The following LINGO1 variants were observed in gnomAD, a reference collection of about 807,000 sequenced individuals.
LINGO1 encodes the protein leucine rich repeat and Ig domain containing 1.
LINGO1 carries 11 observed loss-of-function variants against 37.3 expected under a neutral mutation model. The ratio of observed to expected loss-of-function variants is 0.29; its 90% CI spans 0.19 to 0.49. The LOEUF is 0.49. Ranked by LOEUF, LINGO1 falls within the 20% of genes least tolerant of loss-of-function variation. The pLI is 0.99. For synonymous variants in LINGO1, 387 were observed against 403.0 expected, an observed-to-expected ratio of 0.96 and a Z score of 0.48; for missense variants, 585 against 878.2, an observed-to-expected ratio of 0.67 and a Z score of 4.22.
intron 2 of LINGO1, among the ~76,000 whole-genome samples, chr15:77,734,603 T>C (rs35722051): frequency 0.12 from 18,656 of 151,228 alleles, 1,499 homozygotes; most frequent in African/African-American, 0.22. Flanking sequence ...CCGCCCACCT[T>C]ACCTGGGTGG....
At chr15:77,738,241 C>A (rs930090645) in intron 1 of LINGO1, among the ~76,000 whole-genome samples, 2 of 152,118 alleles carry the variant, frequency 1.3e-5, no homozygotes, top group African/African-American at 4.8e-5. Context: ...CTTGCCTCCA[C>A]CTCTGGCCCC....
intron 1 of LINGO1, among the ~76,000 whole-genome samples, chr15:77,798,829 G>T (rs2076894129): frequency 6.6e-6 from 1 of 152,194 alleles, no homozygotes; most frequent in African/African-American, 2.4e-5. Flanking sequence ...ATGCCCCGGA[G>T]AATGTGAGAC....
chr15:77,804,038 A>T (rs530874460), intron 1 of LINGO1, among the ~76,000 whole-genome samples: 10 of 152,218 alleles, frequency 6.6e-5, no homozygotes, highest in African/African-American at 2.4e-4. Context: ...TAGGTAGCAC[A>T]ACAGGTGACA....
intron 2 of LINGO1, among the ~76,000 whole-genome samples, chr15:77,688,210 C>A (rs1358021801): frequency 6.6e-6 from 1 of 152,204 alleles, no homozygotes; most frequent in South Asian, 2.1e-4. Flanking sequence ...GGGCAGGAGG[C>A]GGCACCTGCC....
At chr15:77,797,391 C>T (rs8035933) in intron 1 of LINGO1, among the ~76,000 whole-genome samples, 1 of 152,176 alleles carries the variant, frequency 6.6e-6, no homozygotes, top group South Asian at 2.1e-4. Context: ...TTCATAGCTA[C>T]GTGTTTCTCT....
At chr15:77,721,066 C>T (rs1292215554) in intron 2 of LINGO1, among the ~76,000 whole-genome samples, 1 of 152,128 alleles carries the variant, frequency 6.6e-6, no homozygotes, top group Non-Finnish European at 1.5e-5. Flanking sequence ...TCAATGCTCA[C>T]ATTCACCCCT....
intron 1 of LINGO1, among the ~76,000 whole-genome samples, chr15:77,743,130 C>T (rs1475521667): frequency 1.3e-5 from 2 of 152,136 alleles, no homozygotes; most frequent in African/African-American, 4.8e-5. Context: ...GGGCTCCATG[C>T]TGCCTTGGCT....
chr15:77,644,730 G>C (rs1015951792), intron 3 of LINGO1, among the ~76,000 whole-genome samples: 6 of 152,218 alleles, frequency 3.9e-5, no homozygotes, highest in African/African-American at 1.4e-4. Flanking sequence ...AAACACAGAA[G>C]TGGCTGCTGT....
intron 3 of LINGO1, among the ~76,000 whole-genome samples, chr15:77,671,122 G>A (rs1204934110): frequency 6.6e-6 from 1 of 151,864 alleles, no homozygotes; most frequent in East Asian, 1.9e-4. Context: ...CCTCTGGGAG[G>A]GTGTGCAGGT....
intron 1 of LINGO1, among the ~76,000 whole-genome samples, chr15:77,806,108 G>A (rs549109099): frequency 4.6e-4 from 70 of 152,226 alleles, no homozygotes; most frequent in African/African-American, 1.6e-3. Context: ...TCCAGCAGCC[G>A]CCGAAGCCTC....
rs573218206 is a variant in LINGO1 at position 77,743,443 on chromosome 15, T to C, written c.-256-8390A>G. 3.3e-5 allele frequency among the ~76,000 whole-genome samples: 5 copies of C among 152,256 alleles called. No individual in the cohort carries two copies. The East Asian group carries it at 9.7e-4, about 29-fold the overall frequency. ...GAGGGGACAGCATCAGAGCCCAGGC[T>C]TCCTGGCCTCAGGCCTGTGCCCTGT... is the stretch of plus-strand genomic sequence containing the variant. On this transcript the variant is annotated intron_variant, in intron 1 of 3. Transcript: ENST00000561686.
chr15:77,777,465 G>GCGCGCA (rs1248160455), intron 1 of LINGO1, among the ~76,000 whole-genome samples: 3 of 140,004 alleles, frequency 2.1e-5, no homozygotes, highest in African/African-American at 2.8e-5. Flanking sequence ...ATACACACAC[G>GCGCGCA]CACACACACA....
chr15:77,741,815 C>CT (rs2076267488), intron 1 of LINGO1, among the ~76,000 whole-genome samples: 2 of 152,162 alleles, frequency 1.3e-5, no homozygotes, highest in Admixed American at 6.5e-5. Flanking sequence ...CCCTTGTCCC[C>CT]ATACATACTC....
At chr15:77,739,881 A>G (rs532141898) in intron 1 of LINGO1, among the ~76,000 whole-genome samples, 78 of 152,302 alleles carry the variant, frequency 5.1e-4, no homozygotes, top group Admixed American at 7.8e-4. Context: ...CCTCCCCCCA[A>G]TGCATCAGCC....
At chr15:77,686,872 T>C (rs2075520074) in intron 2 of LINGO1, among the ~76,000 whole-genome samples, 1 of 152,162 alleles carries the variant, frequency 6.6e-6, no homozygotes, top group South Asian at 2.1e-4. Context: ...ACCTGTTTGC[T>C]TGTGCCCCCA....
At chr15:77,778,581 A>C (rs1194156926) in intron 1 of LINGO1, among the ~76,000 whole-genome samples, 1 of 152,190 alleles carries the variant, frequency 6.6e-6, no homozygotes, top group South Asian at 2.1e-4. Context: ...GCCCAAGCCA[A>C]AAACTGTGGG....
chr15:77,681,758 GAGGGAGGGTGGA>G (rs2075417293), intron 2 of LINGO1, among the ~76,000 whole-genome samples: 1 of 152,124 alleles, frequency 6.6e-6, no homozygotes, highest in South Asian at 2.1e-4. Flanking sequence ...GGGACAGGTG[GAGGGAGGGTGGA>G]AGGGAGGGGA....
At chr15:77,675,538 G>A (rs771246222) in intron 3 of LINGO1, among the ~76,000 whole-genome samples, 2 of 152,108 alleles carry the variant, frequency 1.3e-5, no homozygotes, top group African/African-American at 2.4e-5. Context: ...ACTAATATGA[G>A]CCCATGTTTT....
chr15:77,787,676 C>T (rs1048130353), upstream of LINGO1, among the ~76,000 whole-genome samples: 3 of 152,092 alleles, frequency 2.0e-5, no homozygotes, highest in Admixed American at 1.3e-4. Flanking sequence ...CCATCCCACA[C>T]GAGGCCGGTG....
Sources: gnomAD v4.1 joint callset for allele counts (sites outside exome capture counted in the v4.1 genomes callset) on GRCh38, gnomAD v4.1.1 for gene constraint, MANE v1.5 for transcripts, NCBI Gene and HGNC (gene_info 2026-07-23, HGNC 2026-07-21) for gene names.